Variants in SLC37A3 observed in about 807,000 individuals in gnomAD.
SLC37A3 encodes the protein sugar phosphate exchanger 3.
In SLC37A3, 51 loss-of-function variants were observed where a neutral mutation model predicts 67.1. The ratio of observed to expected loss-of-function variants is 0.76; its 90% CI spans 0.61 to 0.96. The LOEUF (loss-of-function observed/expected upper bound fraction) is 0.96. Ranked by LOEUF, SLC37A3 falls within the 40% of genes least tolerant of loss-of-function variation. The pLI is 0.00. For synonymous variants in SLC37A3, 214 were observed against 231.4 expected, an observed-to-expected ratio of 0.92 and a Z score of 0.68; for missense variants, 508 against 603.0, an observed-to-expected ratio of 0.84 and a Z score of 1.65.
Position 140,364,483 on chromosome 7 carries a change from G to A in SLC37A3, c.300C>T (p.Phe100=). 1.2e-6 allele frequency: 2 copies of A among 1,613,754 alleles called. No homozygotes were observed. The highest frequency in any genetic ancestry group is 1.7e-6 in the Non-Finnish European group (2 of 1,179,896). The change falls in exon 5 of 15, where the codon TTC becomes TTT. Residue 100 remains phenylalanine, a synonymous_variant. Transcript: ENST00000326232. ...IFLFSYAVGL[F]ISGIVGDRLN... ...ACCGATCCCCAACGATGCCACTGAT[G>A]AATAGGCCCTAAAAATAAAGCATTT...
intron 13 of SLC37A3, among the ~76,000 whole-genome samples, chr7:140,343,092 G>A (rs1212327497): frequency 6.6e-6 from 1 of 152,170 alleles, no homozygotes; most frequent in Non-Finnish European, 1.5e-5. Flanking sequence ...CCCCACCACG[G>A]AATACCAAGT....
chr7:140,343,389 C>T (rs1796433486), intron 13 of SLC37A3, 23 bp downstream of exon 13: 1 of 1,611,830 alleles, frequency 6.2e-7, no homozygotes, highest in Non-Finnish European at 8.5e-7. Flanking sequence ...ACTAGAATCC[C>T]AGCCCCTCTC....
intron 1 of SLC37A3, among the ~76,000 whole-genome samples, chr7:140,397,466 T>A (rs1798984162): frequency 6.6e-6 from 1 of 152,006 alleles, no homozygotes; most frequent in Non-Finnish European, 1.5e-5. Flanking sequence ...AGTGCTGGGA[T>A]TACAGGCATG....
chr7:140,345,063 G>C (rs980811688), intron 12 of SLC37A3, among the ~76,000 whole-genome samples, 153 bp downstream of exon 12: 2 of 152,288 alleles, frequency 1.3e-5, no homozygotes, highest in African/African-American at 4.8e-5. Context: ...CAGAGAAAAA[G>C]AATCTGGAAA....
At position 140,333,817 on chromosome 7, in the gene SLC37A3, G is replaced by A. The variant is rs933189964; in HGVS notation, c.*1595C>T. ...GTATTTTCCCTTTTTGTCAGTAAATGAGCAATACACTGATTGGAAATCTGC... is the reference window on the plus strand; with the variant it reads ...GTATTTTCCCTTTTTGTCAGTAAATAAGCAATACACTGATTGGAAATCTGC... On this transcript the variant is annotated 3_prime_UTR_variant, in exon 15 of 15. Transcript: ENST00000326232. 3.9e-5 allele frequency: 6 copies of A among 152,508 alleles called. No individual in the cohort carries two copies. The highest frequency in any genetic ancestry group is 4.8e-5 in the African/African-American group (2 of 41,382). 9.4% of individuals were successfully genotyped at this position (152,508 alleles called of 1,614,324 possible). A position where few individuals can be genotyped will look rare whatever the true frequency, so the allele number is the denominator to read the frequency against.
chr7:140,385,293 T>C (rs1798407737), intron 1 of SLC37A3, among the ~76,000 whole-genome samples: 1 of 152,210 alleles, frequency 6.6e-6, no homozygotes, highest in South Asian at 2.1e-4. Context: ...AGTAGGACTA[T>C]AAAATTCCAC....
At chr7:140,349,708 C>G (rs947661305) in intron 9 of SLC37A3, among the ~76,000 whole-genome samples, 2 of 152,194 alleles carry the variant, frequency 1.3e-5, no homozygotes, top group Non-Finnish European at 2.9e-5. Flanking sequence ...TCTGACCAGA[C>G]AGCCTGCTAC....
chr7:140,382,307 A>T, intron 2 of SLC37A3, 131 bp downstream of exon 2: 1 of 751,822 alleles, frequency 1.3e-6, no homozygotes, highest in Non-Finnish European at 2.2e-6. Flanking sequence ...TACAGCTATC[A>T]AGACTACAAC....
intron 13 of SLC37A3, among the ~76,000 whole-genome samples, chr7:140,342,443 T>C (rs1796394395): frequency 6.6e-6 from 1 of 152,188 alleles, no homozygotes; most frequent in African/African-American, 2.4e-5. Context: ...TCTGCTGCCT[T>C]CCTCTTTCTT....
intron 8 of SLC37A3, 119 bp downstream of exon 8, chr7:140,351,943 A>T: frequency 1.0e-6 from 1 of 988,552 alleles, no homozygotes; most frequent in Non-Finnish European, 1.6e-6. Flanking sequence ...TTCTCCTTTC[A>T]CTCACTAAAA....
chr7:140,343,559 A>C lies in SLC37A3; in HGVS notation c.1179T>G (p.Phe393Leu). Residue 393 changes from phenylalanine to leucine, a missense_variant, in exon 13 of 15, where the codon TTT becomes TTG. Coordinates refer to ENST00000326232, the MANE Select transcript of SLC37A3 (RefSeq NM_207113.3). ...INALLMTVTG[F>L]FIGGPSNMIS... Reference sequence around the variant, plus strand: ...TCATATTAGAAGGTCCACCAATAAAAAATCCTGAAGTCATAAACAGGTTCT... The same window carrying C: ...TCATATTAGAAGGTCCACCAATAAACAATCCTGAAGTCATAAACAGGTTCT... The C allele has an allele frequency of 1.2e-6, 2 of 1,614,176 alleles. No individual in the cohort carries two copies. Among genetic ancestry groups the C allele is most frequent in the Non-Finnish European group, 1.7e-6 (2 of 1,180,026 alleles).
chr7:140,374,679 T>C (rs1035735841), intron 3 of SLC37A3, among the ~76,000 whole-genome samples: 1 of 151,886 alleles, frequency 6.6e-6, no homozygotes, highest in African/African-American at 2.4e-5. Flanking sequence ...CCACCATCTC[T>C]ACAAAAATAA....
intron 7 of SLC37A3, among the ~76,000 whole-genome samples, chr7:140,354,065 T>G (rs1796925022): frequency 6.6e-6 from 1 of 152,232 alleles, no homozygotes; most frequent in South Asian, 2.1e-4. Flanking sequence ...CATACAGAGC[T>G]TCCTCATTCG....
At chr7:140,344,769 T>C (rs981290600) in intron 12 of SLC37A3, among the ~76,000 whole-genome samples, 1 of 152,256 alleles carries the variant, frequency 6.6e-6, no homozygotes, top group South Asian at 2.1e-4. Context: ...AAATAAATAA[T>C]AAATAAAGTA....
intron 1 of SLC37A3, among the ~76,000 whole-genome samples, chr7:140,382,960 T>G (rs1366622346): frequency 6.6e-6 from 1 of 152,078 alleles, no homozygotes; most frequent in Admixed American, 6.6e-5. Flanking sequence ...GAAATGTAAT[T>G]AAGGCAAGAA....
At chr7:140,344,329 G>A (rs575688907) in intron 12 of SLC37A3, among the ~76,000 whole-genome samples, 23 of 152,252 alleles carry the variant, frequency 1.5e-4, no homozygotes, top group Admixed American at 1.5e-3. Context: ...TTGGGAAGCT[G>A]AGGCAGAAGA....
chr7:140,391,124 T>G (rs891691468), intron 1 of SLC37A3, among the ~76,000 whole-genome samples: 2 of 152,226 alleles, frequency 1.3e-5, no homozygotes, highest in African/African-American at 2.4e-5. Context: ...TTCACACTTC[T>G]CTTTTTAAAC....
At chr7:140,340,793 T>C (rs148070956) in intron 13 of SLC37A3, among the ~76,000 whole-genome samples, 1,647 of 152,084 alleles carry the variant, frequency 0.011, 13 homozygotes, top group Middle Eastern at 0.031. Context: ...TAGCTGGGCA[T>C]GGTGGTGGGT....
rs982029024 is a variant in SLC37A3, at chr7:140,335,000, T to C, written c.*412A>G. ...AGCAAAATGCAATGATCTCTTCCAT[T>C]TGTGGAACATACCACCAACACAAAC... On this transcript the variant is annotated 3_prime_UTR_variant, in exon 15 of 15. Coordinates refer to ENST00000326232, the MANE Select transcript of SLC37A3 (RefSeq NM_207113.3). 6 of 472,892 alleles carry C rather than the reference T, an allele frequency of 1.3e-5. No homozygotes were observed. Among genetic ancestry groups the C allele is most frequent in the African/African-American group, 9.8e-5 (5 of 51,176 alleles). 29.3% of individuals were successfully genotyped at this position (472,892 alleles called of 1,614,324 possible).
Sources: allele counts gnomAD v4.1 joint callset (sites outside exome capture counted in the v4.1 genomes callset), GRCh38; gene constraint gnomAD v4.1.1; transcripts MANE v1.5; gene names NCBI Gene and HGNC (gene_info 2026-07-23, HGNC 2026-07-21).